NFIA: variants seen among roughly 807,000 people sequenced by gnomAD.
The protein encoded by NFIA is nuclear factor 1 A-type.
In NFIA, 8 loss-of-function variants were observed where a neutral mutation model predicts 62.8. That is an observed-to-expected ratio of 0.13 (90% CI 0.07 to 0.23). The LOEUF is 0.23. Among genes scored for constraint, NFIA ranks in the 10% least tolerant of loss-of-function variants. NFIA has a pLI of 1.00. For missense variants in NFIA, 410 were observed against 642.1 expected, an observed-to-expected ratio of 0.64 and a Z score of 3.91; for synonymous variants, 235 against 238.1, an observed-to-expected ratio of 0.99 and a Z score of 0.12.
At chr1:61,362,487 C>T (rs1663351022) in intron 6 of NFIA, among the ~76,000 whole-genome samples, 1 of 152,112 alleles carries the variant, frequency 6.6e-6, no homozygotes, top group Non-Finnish European at 1.5e-5. Context: ...TCCAGGACTC[C>T]CTGGCCAAAA....
At chr1:61,329,696 T>A (rs1378909701) in intron 3 of NFIA, among the ~76,000 whole-genome samples, 2 of 152,166 alleles carry the variant, frequency 1.3e-5, no homozygotes, top group Non-Finnish European at 2.9e-5. Context: ...TTTAGCTGTT[T>A]CTGTAAACTC....
At chr1:61,344,548 T>C (rs1247501768) in intron 4 of NFIA, among the ~76,000 whole-genome samples, 1 of 152,194 alleles carries the variant, frequency 6.6e-6, no homozygotes, top group Non-Finnish European at 1.5e-5. Flanking sequence ...CCATACAGAT[T>C]TGAAGAAGGG....
intron 2 of NFIA, among the ~76,000 whole-genome samples, chr1:61,221,523 T>G (rs2100617828): frequency 6.6e-6 from 1 of 152,288 alleles, no homozygotes; most frequent in South Asian, 2.1e-4. Flanking sequence ...ACTTAGCATT[T>G]ATTGTAAAAG....
At position 61,404,228 on chromosome 1, in the gene NFIA, C is replaced by T; in HGVS notation, c.1200C>T (p.Val400=). ...YHPQETLKEF[V]QLVCPDAGQQ... ...CTCAGGAGACGCTGAAAGAATTTGT[C>T]CAACTTGTCTGCCCTGATGCTGGTC... The change falls in exon 8 of 11, where the codon GTC becomes GTT. Residue 400 remains valine, a synonymous_variant. Coordinates refer to ENST00000403491, the MANE Select transcript of NFIA (RefSeq NM_001134673.4). 1.2e-6 allele frequency: 2 copies of T among 1,614,198 alleles called. No individual in the cohort carries two copies. Among genetic ancestry groups the T allele is most frequent in the African/African-American group, 1.3e-5 (1 of 75,064 alleles).
At chr1:61,351,896 A>G (rs186658954) in intron 4 of NFIA, among the ~76,000 whole-genome samples, 3 of 152,340 alleles carry the variant, frequency 2.0e-5, no homozygotes, top group East Asian at 1.9e-4. Flanking sequence ...CATAAAAACT[A>G]TGGGCCTGCC....
chr1:61,270,782 G>A (rs1463950103), intron 2 of NFIA, among the ~76,000 whole-genome samples: 1 of 152,176 alleles, frequency 6.6e-6, no homozygotes, highest in Non-Finnish European at 1.5e-5. Context: ...GCAGGTCTTT[G>A]TTTACATGGG....
intron 2 of NFIA, among the ~76,000 whole-genome samples, chr1:61,106,944 A>C (rs1646612285): frequency 6.7e-6 from 1 of 149,810 alleles, no homozygotes. Context: ...ACACACATAC[A>C]TATACATACA....
At chr1:61,131,513 C>T (rs1385881515) in intron 2 of NFIA, among the ~76,000 whole-genome samples, 1 of 152,106 alleles carries the variant, frequency 6.6e-6, no homozygotes, top group East Asian at 1.9e-4. Flanking sequence ...AATGTCTAAG[C>T]TACAGACATA....
In NFIA at chr1:61,297,861, G is replaced by T. The variant is rs186438900; in HGVS notation, c.625+20276G>T. Among the ~76,000 whole-genome samples, 274 of 152,238 alleles carry T rather than the reference G, an allele frequency of 1.8e-3. 2 individuals carry two copies. In the Middle Eastern group the frequency reaches 0.054, roughly 30 times the overall value. On this transcript the variant is annotated intron_variant, in intron 3 of 10. Transcript: ENST00000403491. ...GTTAGATTTCAACCAGCAGAGAAGG[G>T]TAAGGAGGATAGAGAAAGAGGTTCC...
intron 4 of NFIA, among the ~76,000 whole-genome samples, chr1:61,350,501 C>T (rs952103347): frequency 2.6e-5 from 4 of 152,080 alleles, no homozygotes; most frequent in African/African-American, 9.7e-5. Context: ...CCGGGTGTGG[C>T]GTAGCATACC....
intron 2 of NFIA, among the ~76,000 whole-genome samples, chr1:61,171,103 C>T (rs1480187550): frequency 2.0e-5 from 3 of 152,080 alleles, no homozygotes; most frequent in Admixed American, 6.6e-5. Flanking sequence ...ACCAGATTGG[C>T]TATGTAACCT....
chr1:61,189,712 C>G (rs1281983665), intron 2 of NFIA, among the ~76,000 whole-genome samples: 1 of 152,130 alleles, frequency 6.6e-6, no homozygotes, highest in Non-Finnish European at 1.5e-5. Flanking sequence ...CTCCAGCTTT[C>G]AAGTCAGTAG....
intron 4 of NFIA, among the ~76,000 whole-genome samples, chr1:61,343,348 A>G (rs186709987): frequency 1.5e-4 from 23 of 152,322 alleles, no homozygotes; most frequent in Admixed American, 1.2e-3. Flanking sequence ...TATTTTAATG[A>G]AACAGAAACA....
At chr1:61,142,817 A>G (rs753783004) in intron 2 of NFIA, among the ~76,000 whole-genome samples, 1 of 152,168 alleles carries the variant, frequency 6.6e-6, no homozygotes, top group African/African-American at 2.4e-5. Flanking sequence ...CTTAGGGCAC[A>G]TGGAAAGCGC....
chr1:61,108,306 G>A (rs1188934561), intron 2 of NFIA, among the ~76,000 whole-genome samples: 2 of 151,306 alleles, frequency 1.3e-5, no homozygotes, highest in Admixed American at 1.3e-4. Flanking sequence ...CTTATTCTTG[G>A]TTACACTGAA....
chr1:61,126,285 G>A (rs1236410434), intron 2 of NFIA, among the ~76,000 whole-genome samples: 1 of 152,086 alleles, frequency 6.6e-6, no homozygotes, highest in Non-Finnish European at 1.5e-5. Flanking sequence ...ACTGAAATCT[G>A]CCTCCCATTA....
upstream of NFIA, among the ~76,000 whole-genome samples, chr1:61,081,239 G>C (rs1489477184): frequency 1.3e-5 from 2 of 151,278 alleles, no homozygotes; most frequent in Non-Finnish European, 2.9e-5. Context: ...GGAGAGCCTA[G>C]AGAGAAAATA....
At chr1:61,212,481 CT>C (rs1307808570) in intron 2 of NFIA, among the ~76,000 whole-genome samples, 10 of 152,234 alleles carry the variant, frequency 6.6e-5, no homozygotes, top group Non-Finnish European at 1.0e-4. Flanking sequence ...CTTCTTAAAG[CT>C]TTTTGAATAA....
chr1:61,347,892 C>G (rs907548285), intron 4 of NFIA, among the ~76,000 whole-genome samples: 3 of 152,154 alleles, frequency 2.0e-5, no homozygotes, highest in African/African-American at 7.2e-5. Flanking sequence ...AACCCTGACT[C>G]TCTCTTTTTG....
Sources: gnomAD v4.1 joint callset for allele counts (sites outside exome capture counted in the v4.1 genomes callset) on GRCh38, gnomAD v4.1.1 for gene constraint, MANE v1.5 for transcripts, NCBI Gene and HGNC (gene_info 2026-07-23, HGNC 2026-07-21) for gene names.